The following DLG2 variants were observed in gnomAD, a reference collection of about 807,000 sequenced individuals.
The protein encoded by DLG2 is disks large homolog 2.
In DLG2, 45 loss-of-function variants were observed where a neutral mutation model predicts 132.5. The observed-to-expected ratio is 0.34, with a 90% confidence interval of 0.27 to 0.44. The LOEUF (loss-of-function observed/expected upper bound fraction) is 0.44. DLG2 is among the 20% of genes least tolerant of loss of function. The pLI is 1.00. For synonymous variants in DLG2, 424 were observed against 419.6 expected (o/e 1.01, Z -0.13); for missense variants, 1,045 against 1,196.9 (o/e 0.87, Z 1.87).
chr11:83,877,831 G>A (rs2065151991), intron 15 of DLG2, among the ~76,000 whole-genome samples: 1 of 152,156 alleles, frequency 6.6e-6, no homozygotes, highest in African/African-American at 2.4e-5. Context: ...CTTGCAGGAG[G>A]GATGCTTGTA....
rs1266001673 is a variant in DLG2, at chr11:84,809,919, G to T, written c.358-275188C>A. Among the ~76,000 whole-genome samples, 3 of 152,046 alleles carry T rather than the reference G, an allele frequency of 2.0e-5. No homozygotes were observed. In the East Asian group the frequency reaches 5.8e-4, roughly 29 times the overall value. ...ACACATAGATCAGTGGAACAGAAAA[G>T]ACATGCCCAATTGGCTTTTGACAAG... On this transcript the variant is annotated intron_variant, in intron 6 of 27. Coordinates refer to ENST00000376104, the MANE Select transcript of DLG2 (RefSeq NM_001142699.3).
chr11:83,963,756 T>C lies in DLG2; in HGVS notation c.1202-733A>G, dbSNP rs1036814543. Among the ~76,000 whole-genome samples, 3 of 152,092 alleles carry C rather than the reference T, an allele frequency of 2.0e-5. No individual in the cohort carries two copies. In the East Asian group the frequency reaches 5.8e-4, roughly 29 times the overall value. On this transcript the variant is annotated intron_variant, in intron 13 of 27. Transcript: ENST00000376104. ...TTAATACCCCCCAACACATATCCTA[T>C]CATCCGCAAACATAGGCTGTGCTTC... is the stretch of plus-strand genomic sequence containing the variant.
intron 6 of DLG2, among the ~76,000 whole-genome samples, chr11:84,755,670 G>T (rs2066774386): frequency 6.6e-6 from 1 of 152,292 alleles, no homozygotes; most frequent in African/African-American, 2.4e-5. Flanking sequence ...TGATCCACCC[G>T]CCTCGGCCTC....
intron 9 of DLG2, among the ~76,000 whole-genome samples, chr11:84,122,404 T>C (rs908256900): frequency 6.6e-6 from 1 of 152,198 alleles, no homozygotes; most frequent in African/African-American, 2.4e-5. Context: ...GGAGAGGACA[T>C]GTCAATGTCC....
chr11:84,992,831 T>C (rs1241242756), intron 6 of DLG2, among the ~76,000 whole-genome samples: 1 of 152,180 alleles, frequency 6.6e-6, no homozygotes, highest in Non-Finnish European at 1.5e-5. Flanking sequence ...TTTCTCCCAT[T>C]CTGTAGGTTG....
chr11:83,661,062 T>G (rs2074133471), intron 18 of DLG2, among the ~76,000 whole-genome samples: 2 of 152,192 alleles, frequency 1.3e-5, no homozygotes, highest in Admixed American at 1.3e-4. Flanking sequence ...GCCCTTTGCT[T>G]GCTCTGCTTG....
At chr11:85,187,590 G>A (rs532452173) in intron 4 of DLG2, among the ~76,000 whole-genome samples, 84 of 152,192 alleles carry the variant, frequency 5.5e-4, no homozygotes, top group South Asian at 3.5e-3. Flanking sequence ...ACAACAAATT[G>A]AGAAATGTTT....
intron 9 of DLG2, among the ~76,000 whole-genome samples, chr11:84,151,099 G>A (rs553855335): frequency 6.6e-6 from 1 of 152,060 alleles, no homozygotes; most frequent in Admixed American, 6.5e-5. Flanking sequence ...CCAAATTTGG[G>A]TATCAGGATG....
intron 21 of DLG2, among the ~76,000 whole-genome samples, chr11:83,488,326 A>T (rs2093645153): frequency 6.6e-6 from 1 of 151,966 alleles, no homozygotes; most frequent in Non-Finnish European, 1.5e-5. Flanking sequence ...ACATTAGAAC[A>T]CCCATACTAG....
intron 9 of DLG2, among the ~76,000 whole-genome samples, chr11:84,126,167 C>T (rs914210679): frequency 3.3e-5 from 5 of 151,754 alleles, no homozygotes; most frequent in Non-Finnish European, 5.9e-5. Flanking sequence ...TGGAGTGAGA[C>T]GATGATGAAG....
chr11:85,407,610 G>A lies in DLG2; in HGVS notation c.41-122245C>T, dbSNP rs115213126. On this transcript the variant is annotated intron_variant, in intron 3 of 27. Coordinates refer to ENST00000376104, the MANE Select transcript of DLG2 (RefSeq NM_001142699.3). ...TAGGGAAGAACAGGAATCATATCAC[G>A]GGAGTCACGAAGCAGCACAAGCAGG... Among the ~76,000 whole-genome samples, 304 of 151,874 alleles carry A rather than the reference G, an allele frequency of 2.0e-3. 1 individual carries two copies. Among genetic ancestry groups the A allele is most frequent in the African/African-American group, 7.2e-3 (300 of 41,472 alleles).
chr11:85,485,040 A>C (rs533677229), intron 3 of DLG2, among the ~76,000 whole-genome samples: 2 of 152,320 alleles, frequency 1.3e-5, no homozygotes, highest in East Asian at 3.9e-4. Flanking sequence ...TGATGAGTTC[A>C]TGTCCTTTGT....
chr11:84,029,683 T>C (rs2095639086), intron 11 of DLG2, among the ~76,000 whole-genome samples: 1 of 152,188 alleles, frequency 6.6e-6, no homozygotes, highest in Admixed American at 6.5e-5. Flanking sequence ...GCCTGTCTTC[T>C]GGCCCACTTA....
chr11:83,897,898 C>A (rs1307102928), intron 15 of DLG2, among the ~76,000 whole-genome samples: 1 of 152,094 alleles, frequency 6.6e-6, no homozygotes, highest in East Asian at 1.9e-4. Context: ...ATTTAATCCT[C>A]CTGATGGTTG....
chr11:85,382,605 T>C (rs1301164529), intron 3 of DLG2, among the ~76,000 whole-genome samples: 1 of 150,532 alleles, frequency 6.6e-6, no homozygotes, highest in Non-Finnish European at 1.5e-5. Flanking sequence ...TTGATAAGGG[T>C]TTATTATTGA....
intron 20 of DLG2, among the ~76,000 whole-genome samples, chr11:83,535,978 G>C (rs1448695846): frequency 6.6e-6 from 1 of 152,134 alleles, no homozygotes; most frequent in Non-Finnish European, 1.5e-5. Flanking sequence ...TTCAGTGTCT[G>C]TCCACAGCCA....
intron 5 of DLG2, among the ~76,000 whole-genome samples, chr11:85,120,291 A>T (rs138753782): frequency 6.6e-6 from 1 of 152,108 alleles, no homozygotes; most frequent in Non-Finnish European, 1.5e-5. Flanking sequence ...GCCAACATCA[A>T]GCAATAGCCA....
intron 17 of DLG2, among the ~76,000 whole-genome samples, chr11:83,829,930 T>C (rs1186905549): frequency 6.6e-6 from 1 of 152,116 alleles, no homozygotes. Flanking sequence ...CGGTGTGTGA[T>C]GTTCGCCATC....
At chr11:84,065,312 G>A (rs969012396) in intron 10 of DLG2, among the ~76,000 whole-genome samples, 1 of 152,006 alleles carries the variant, frequency 6.6e-6, no homozygotes, top group Non-Finnish European at 1.5e-5. Context: ...ATATTTGCAA[G>A]CTACTCATTC....
Sources: allele counts gnomAD v4.1 joint callset (sites outside exome capture counted in the v4.1 genomes callset), GRCh38; gene constraint gnomAD v4.1.1; transcripts MANE v1.5; gene names NCBI Gene and HGNC (gene_info 2026-07-23, HGNC 2026-07-21).